Variants in CSMD1 observed in about 807,000 individuals in gnomAD.
The protein encoded by CSMD1 is CUB and Sushi multiple domains 1, also known as CUB and sushi domain-containing protein 1.
A neutral mutation model predicts 417.5 loss-of-function variants in CSMD1; 213 were observed. The ratio of observed to expected loss-of-function variants is 0.51; its 90% CI spans 0.46 to 0.57. The LOEUF is 0.57. Among genes scored for constraint, CSMD1 ranks in the 20% least tolerant of loss-of-function variants. The pLI is 0.00. For synonymous variants in CSMD1, 2,862 were observed against 1,736.8 expected, an observed-to-expected ratio of 1.65 and a Z score of -16.11; for missense variants, 6,923 against 4,529.7, an observed-to-expected ratio of 1.53 and a Z score of -15.17.
chr8:3,180,947 G>A (rs576500260), intron 37 of CSMD1, among the ~76,000 whole-genome samples, 163 bp downstream of exon 37: 2 of 152,208 alleles, frequency 1.3e-5, no homozygotes, highest in East Asian at 3.9e-4. Flanking sequence ...ACTGGCTTAT[G>A]TATTTCGTAG....
intron 1 of CSMD1, among the ~76,000 whole-genome samples, chr8:4,642,527 A>G (rs995380141): frequency 6.6e-6 from 1 of 152,194 alleles, no homozygotes; most frequent in African/African-American, 2.4e-5. Context: ...TGAGCATTTG[A>G]GGAGTGAAGG....
At chr8:4,099,503 G>C (rs981583058) in intron 3 of CSMD1, among the ~76,000 whole-genome samples, 9 of 151,922 alleles carry the variant, frequency 5.9e-5, no homozygotes, top group African/African-American at 2.2e-4. Context: ...CTTCAATGCT[G>C]TTCACTACGG....
At chr8:4,979,324 A>AT in intron 1 of CSMD1, among the ~76,000 whole-genome samples, 1 of 152,316 alleles carries the variant, frequency 6.6e-6, no homozygotes, top group East Asian at 1.9e-4. Flanking sequence ...AATCCTTATG[A>AT]TATTGAGCAC....
intron 3 of CSMD1, among the ~76,000 whole-genome samples, chr8:4,385,002 A>C (rs774331935): frequency 6.6e-6 from 1 of 152,170 alleles, no homozygotes; most frequent in African/African-American, 2.4e-5. Flanking sequence ...TCTCGGCTCA[A>C]TGCAACCTCC....
At chr8:3,675,587 T>C (rs1354039306) in intron 7 of CSMD1, among the ~76,000 whole-genome samples, 2 of 151,860 alleles carry the variant, frequency 1.3e-5, no homozygotes, top group Non-Finnish European at 2.9e-5. Flanking sequence ...GACACGAGGG[T>C]TGATACCCCA....
chr8:3,044,763 G>T (rs549956383), intron 50 of CSMD1, among the ~76,000 whole-genome samples: 2 of 152,120 alleles, frequency 1.3e-5, no homozygotes, highest in Non-Finnish European at 2.9e-5. Flanking sequence ...CGAACTAATT[G>T]TATTTACCAT....
intron 3 of CSMD1, among the ~76,000 whole-genome samples, chr8:4,255,336 G>T (rs1027268243): frequency 6.6e-6 from 1 of 152,146 alleles, no homozygotes; most frequent in Non-Finnish European, 1.5e-5. Context: ...GTTAATATCT[G>T]CAGTCATTGT....
intron 6 of CSMD1, among the ~76,000 whole-genome samples, chr8:3,751,327 T>C (rs917328737): frequency 2.5e-5 from 3 of 118,052 alleles, no homozygotes; most frequent in African/African-American, 8.5e-5. Flanking sequence ...TGTGTGTGTG[T>C]ATATATATAT....
chr8:4,187,805 T>G (rs2131201651), intron 3 of CSMD1, among the ~76,000 whole-genome samples: 1 of 152,248 alleles, frequency 6.6e-6, no homozygotes, highest in Non-Finnish European at 1.5e-5. Flanking sequence ...ATTATTATTA[T>G]TTTCCAAAAT....
chr8:3,199,724 G>A lies in CSMD1; in HGVS notation c.5184C>T (p.Phe1728=), dbSNP rs758410432. ...TGGAGTGACGCTTACCTTGATACAC[G>A]AAGTGGAAGCCGCGGGCAGAGGCAC... ...KSGASARGFH[F]VYQAVPRTSD... is the part of the protein sequence containing the mutation. Residue 1728 remains phenylalanine (F), a synonymous_variant, in exon 33 of 70, where the codon TTC becomes TTT. Transcript: ENST00000635120. The A allele has an allele frequency of 1.1e-5, 18 of 1,584,524 alleles. No individual in the cohort carries two copies. The highest frequency in any genetic ancestry group is 2.3e-5 in the South Asian group (2 of 86,346).
At chr8:4,117,167 C>A (rs1209049893) in intron 3 of CSMD1, among the ~76,000 whole-genome samples, 2 of 151,954 alleles carry the variant, frequency 1.3e-5, no homozygotes, top group Non-Finnish European at 2.9e-5. Context: ...CTCGAATTAT[C>A]TGAGTATTAT....
chr8:3,054,841 G>T (rs185236685), intron 49 of CSMD1, among the ~76,000 whole-genome samples: 2 of 152,284 alleles, frequency 1.3e-5, no homozygotes, highest in Non-Finnish European at 2.9e-5. Flanking sequence ...AATCATCTTT[G>T]GCTCTGTGGA....
At chr8:3,515,048 C>T (rs1269139593) in intron 10 of CSMD1, among the ~76,000 whole-genome samples, 3 of 152,068 alleles carry the variant, frequency 2.0e-5, no homozygotes, top group African/African-American at 7.2e-5. Context: ...CGACTATATT[C>T]GACATCTAAC....
chr8:3,680,600 T>C (rs1799600794), intron 7 of CSMD1, among the ~76,000 whole-genome samples: 1 of 152,120 alleles, frequency 6.6e-6, no homozygotes, highest in Non-Finnish European at 1.5e-5. Flanking sequence ...CCGATTTCTA[T>C]CAGACGTACA....
At chr8:3,399,054 G>A (rs1434294348) in intron 16 of CSMD1, among the ~76,000 whole-genome samples, 1 of 152,086 alleles carries the variant, frequency 6.6e-6, no homozygotes, top group African/African-American at 2.4e-5. Flanking sequence ...GGGACCATGG[G>A]ACCCAGAGTG....
chr8:3,753,874 A>G, intron 6 of CSMD1, 56 bp downstream of exon 6: 1 of 1,263,604 alleles, frequency 7.9e-7, no homozygotes. Flanking sequence ...GCTAGAAAGG[A>G]TCAAAATATA....
intron 10 of CSMD1, among the ~76,000 whole-genome samples, chr8:3,540,390 A>C (rs73505719): frequency 0.031 from 4,789 of 152,282 alleles, 249 homozygotes; most frequent in African/African-American, 0.11. Flanking sequence ...CTCAAGGTGG[A>C]TTCAAGACTT....
chr8:3,773,184 A>G (rs564761474), intron 5 of CSMD1, among the ~76,000 whole-genome samples: 7 of 152,320 alleles, frequency 4.6e-5, no homozygotes, highest in African/African-American at 1.4e-4. Context: ...CTAGGGGGAC[A>G]CTGACATTTA....
intron 2 of CSMD1, among the ~76,000 whole-genome samples, chr8:4,428,877 G>C (rs1048719095): frequency 1.3e-5 from 2 of 151,962 alleles, no homozygotes; most frequent in African/African-American, 4.8e-5. Context: ...ACCACGTCCA[G>C]CTAATTTTTG....
Sources: gnomAD v4.1 joint callset for allele counts (sites outside exome capture counted in the v4.1 genomes callset) on GRCh38, gnomAD v4.1.1 for gene constraint, MANE v1.5 for transcripts, NCBI Gene and HGNC (gene_info 2026-07-23, HGNC 2026-07-21) for gene names.